Variants in NUCB2 observed in about 807,000 individuals in gnomAD.
NUCB2 encodes nucleobindin-2.
A neutral mutation model predicts 57.9 loss-of-function variants in NUCB2; 48 were observed. That is an observed-to-expected ratio of 0.83 (90% CI 0.66 to 1.05). NUCB2 has a LOEUF of 1.05. NUCB2 is among the 50% of genes least tolerant of loss of function. The pLI is 0.00. For synonymous variants in NUCB2, 139 were observed against 152.1 expected, an observed-to-expected ratio of 0.91 and a Z score of 0.64; for missense variants, 442 against 476.2, an observed-to-expected ratio of 0.93 and a Z score of 0.67.
rs370686689 is a variant in NUCB2, at chr11:17,282,236, C to CTATCTATCTA, written c.-155-550_-155-549insCTATCTATAT. The stretch of plus-strand genomic sequence containing the variant: ...TATCTATATCTATCTATCTATCTAT[C>CTATCTATCTA]TATATATATATATATATATATATTT... On this transcript the variant is annotated intron_variant, in intron 1 of 13. Transcript: ENST00000529010. Among the ~76,000 whole-genome samples the CTATCTATCTA allele has an allele frequency of 2.1e-3, 214 of 104,038 alleles. 1 individual carries two copies. Among genetic ancestry groups the CTATCTATCTA allele is most frequent in the East Asian group, 1.5e-3 (6 of 3,950 alleles). The allele number at this position is 104,038 out of a possible 152,430, so 68.3% of individuals were successfully genotyped here.
intron 2 of NUCB2, among the ~76,000 whole-genome samples, chr11:17,285,730 T>A (rs1446546464): frequency 7.9e-5 from 9 of 113,986 alleles, no homozygotes; most frequent in South Asian, 2.7e-4. Context: ...GGTGACAGAG[T>A]GAGACTCCGT....
rs766526895 is a variant in NUCB2, at chr11:17,330,965, G to T, written c.1237G>T (p.Glu413Ter). Residue 413 changes from glutamate to a stop codon, truncating the protein, a stop_gained, in exon 13 of 14, where the codon GAA becomes TAA. Coordinates refer to ENST00000529010, the MANE Select transcript of NUCB2 (RefSeq NM_005013.4). LOFTEE classifies it high-confidence loss of function. This position sits in a 1 kb window ranked among gnomAD's most constrained non-coding sequence, Gnocchi z 4.3. ...AATTCCTCCATCAGGGCCAGCTGGA[G>T]AATTGAAGTTTGAGCCACGTGTGTA... ...QGIPPSGPAG[E>*]LKFEPHI 4 of 1,609,420 alleles carry T rather than the reference G, an allele frequency of 2.5e-6. No homozygotes were observed. In the Admixed American group the frequency reaches 5.0e-5, roughly 20 times the overall value.
At chr11:17,321,897 C>T (rs192565289) in intron 11 of NUCB2, among the ~76,000 whole-genome samples, 2 of 152,126 alleles carry the variant, frequency 1.3e-5, no homozygotes, top group African/African-American at 2.4e-5. Context: ...TGTCTTCTTT[C>T]GAGAAATGTC....
intron 2 of NUCB2, among the ~76,000 whole-genome samples, chr11:17,345,675 A>T (rs568993105): frequency 6.6e-6 from 1 of 152,298 alleles, no homozygotes; most frequent in East Asian, 1.9e-4. Flanking sequence ...CCACTGCACT[A>T]CAGCCTGGGT....
At chr11:17,325,597 A>G (rs1295566819) in intron 11 of NUCB2, among the ~76,000 whole-genome samples, 3 of 152,162 alleles carry the variant, frequency 2.0e-5, no homozygotes, top group African/African-American at 7.2e-5. Flanking sequence ...TTTAGGCAAC[A>G]GATCATTGGG....
chr11:17,326,895 G>A (rs1950757222), intron 11 of NUCB2, among the ~76,000 whole-genome samples: 2 of 152,126 alleles, frequency 1.3e-5, no homozygotes, highest in Admixed American at 1.3e-4. Flanking sequence ...GACAAGTCTG[G>A]TGTTGATGCA....
At chr11:17,339,865 C>T (rs181675831) in intron 2 of NUCB2, among the ~76,000 whole-genome samples, 4,318 of 152,176 alleles carry the variant, frequency 0.028, 71 homozygotes, top group Non-Finnish European at 0.036. Flanking sequence ...TGGGTATATA[C>T]GCAGTAATGG....
At chr11:17,277,332 A>G (rs902947085) in intron 1 of NUCB2, among the ~76,000 whole-genome samples, 12 of 152,218 alleles carry the variant, frequency 7.9e-5, no homozygotes, top group African/African-American at 2.2e-4. Flanking sequence ...TAAGTGACAA[A>G]TTAGGTACGA....
chr11:17,347,914 A>G (rs562934611), intron 2 of NUCB2, among the ~76,000 whole-genome samples: 1 of 152,324 alleles, frequency 6.6e-6, no homozygotes, highest in African/African-American at 2.4e-5. Flanking sequence ...GAGAAGGCCA[A>G]CCAACATTAC....
intron 11 of NUCB2, among the ~76,000 whole-genome samples, chr11:17,320,284 T>C (rs1949846900): frequency 6.6e-6 from 1 of 152,188 alleles, no homozygotes; most frequent in African/African-American, 2.4e-5. Context: ...TTAAAAATAT[T>C]TCATTTATTC....
At chr11:17,348,446 C>G (rs1952949245) in intron 2 of NUCB2, among the ~76,000 whole-genome samples, 2 of 150,324 alleles carry the variant, frequency 1.3e-5, no homozygotes, top group South Asian at 4.2e-4. Context: ...GCCATCCTCC[C>G]TCCCACCTCA....
chr11:17,311,030 G>T lies in NUCB2; in HGVS notation c.669+20G>T. On this transcript the variant is annotated intron_variant, in intron 7 of 13. Coordinates refer to ENST00000529010, the MANE Select transcript of NUCB2 (RefSeq NM_005013.4). The stretch of plus-strand genomic sequence containing the variant: ...CACCCAGTAAGGATTGTGACTTTAT[G>T]AAACCATTTTTAGATAAAGATACTT... 1 of 1,548,062 alleles carries T rather than the reference G, an allele frequency of 6.5e-7. No individual in the cohort carries two copies. Among genetic ancestry groups the T allele is most frequent in the South Asian group, 1.2e-5 (1 of 80,406 alleles).
intron 1 of NUCB2, among the ~76,000 whole-genome samples, chr11:17,281,135 T>A (rs548473170): frequency 9.7e-4 from 147 of 152,262 alleles, no homozygotes; most frequent in African/African-American, 3.0e-3. Context: ...TTATTTATTT[T>A]ATTTATTTTT....
rs1945659375 is a variant in NUCB2, at chr11:17,295,369, A to G, written c.46A>G (p.Thr16Ala). 1 of 1,612,680 alleles carries G rather than the reference A, an allele frequency of 6.2e-7. No homozygotes were observed. Residue 16 changes from threonine (T) to alanine (A), a missense_variant, in exon 3 of 14, where the codon ACA (threonine) becomes GCA (alanine). Thr to Ala is a moderately conservative substitution (Grantham distance 58). Transcript: ENST00000529010. The stretch of plus-strand genomic sequence containing the variant: ...GCTACAGTATTGCTTTCTCTTGATT[A>G]CATGTTTACTTACTGCTCTTGAAGC... ...ILLQYCFLLI[T>A]CLLTALEAVP...
chr11:17,327,214 T>C (rs1950798947), intron 11 of NUCB2, among the ~76,000 whole-genome samples: 1 of 152,114 alleles, frequency 6.6e-6, no homozygotes, highest in Non-Finnish European at 1.5e-5. Context: ...GTGTGTGCCA[T>C]CACATCTGGC....
Position 17,315,440 on chromosome 11 carries a change from G to T in NUCB2, c.967G>T (p.Glu323Ter). ...VTLEEFLKAT[E>*]KKEFLEPDSW... ...TCTGGAGGAGTTTTTGAAAGCCACA[G>T]AAAAAAAAGAATTCTTGGAGCCAGA... Residue 323 changes from glutamate to a stop codon, truncating the protein, a stop_gained, in exon 11 of 14, where the codon GAA becomes TAA. Coordinates refer to ENST00000529010, the MANE Select transcript of NUCB2 (RefSeq NM_005013.4). LOFTEE classifies it high-confidence loss of function. 1 of 1,609,862 alleles carries T rather than the reference G, an allele frequency of 6.2e-7. No individual in the cohort carries two copies. The highest frequency in any genetic ancestry group is 8.5e-7 in the Non-Finnish European group (1 of 1,177,254).
At chr11:17,328,214 G>A (rs1320145092) in intron 11 of NUCB2, among the ~76,000 whole-genome samples, 3 of 152,198 alleles carry the variant, frequency 2.0e-5, no homozygotes, top group South Asian at 4.1e-4. Flanking sequence ...AGAGACTCTT[G>A]TTCTTTTCCC....
intron 6 of NUCB2, among the ~76,000 whole-genome samples, 162 bp downstream of exon 6, chr11:17,309,837 T>C (rs1948220348): frequency 6.6e-6 from 1 of 152,212 alleles, no homozygotes; most frequent in Non-Finnish European, 1.5e-5. Context: ...AATATGTACA[T>C]ACAGGTCTAA....
At chr11:17,313,320 A>T (rs1948781941) in intron 10 of NUCB2, among the ~76,000 whole-genome samples, 1 of 152,044 alleles carries the variant, frequency 6.6e-6, no homozygotes. Context: ...TCTTGAGGTC[A>T]GAAGTTCGAG....
Sources: gnomAD v4.1 joint callset for allele counts (sites outside exome capture counted in the v4.1 genomes callset) on GRCh38, gnomAD v4.1.1 for gene constraint, Gnocchi (gnomAD v3.1) non-coding constraint, MANE v1.5 for transcripts, NCBI Gene and HGNC (gene_info 2026-07-23, HGNC 2026-07-21) for gene names.